STXBP5: variants seen among roughly 807,000 people sequenced by gnomAD.
The protein encoded by STXBP5 is syntaxin binding protein 5.
STXBP5 carries 50 observed loss-of-function variants against 152.4 expected under a neutral mutation model. That is an observed-to-expected ratio of 0.33 (90% confidence interval 0.26 to 0.42). The LOEUF (loss-of-function observed/expected upper bound fraction) is 0.42, where lower values mean the gene tolerates loss of function less well. STXBP5 is among the 10% of genes least tolerant of loss of function. The probability of loss-of-function intolerance (pLI) is 1.00; values close to 1 mark genes in which losing one functional copy is unlikely to be tolerated. For synonymous variants in STXBP5, 492 were observed against 494.7 expected (o/e 0.99, Z 0.07); for missense variants, 1,167 against 1,388.6 (o/e 0.84, Z 2.54).
chr6:147,207,332 C>A (rs1364588892), intron 2 of STXBP5, among the ~76,000 whole-genome samples: 1 of 152,160 alleles, frequency 6.6e-6, no homozygotes, highest in African/African-American at 2.4e-5. Flanking sequence ...AACTGTGTTA[C>A]TAAGTGAAGT....
intron 23 of STXBP5, 45 bp from the exon 24 acceptor site, chr6:147,363,290 G>A (rs1562269728): frequency 6.6e-7 from 1 of 1,514,484 alleles, no homozygotes; most frequent in Non-Finnish European, 8.8e-7. Context: ...TGTTTACTCT[G>A]TTGATTAAAA....
intron 9 of STXBP5, among the ~76,000 whole-genome samples, chr6:147,300,212 A>G (rs1161945136): frequency 6.6e-6 from 1 of 152,102 alleles, no homozygotes; most frequent in Non-Finnish European, 1.5e-5. Flanking sequence ...AATATTGTTA[A>G]AATGTCCACA....
At chr6:147,246,615 TTCTAA>T (rs576237233) in intron 4 of STXBP5, among the ~76,000 whole-genome samples, 19 of 152,310 alleles carry the variant, frequency 1.2e-4, no homozygotes, top group African/African-American at 4.1e-4. Flanking sequence ...TTTTTCTTTA[TTCTAA>T]TAGTCTGATT....
chr6:147,308,765 A>G (rs1197069750), intron 9 of STXBP5, among the ~76,000 whole-genome samples: 1 of 152,182 alleles, frequency 6.6e-6, no homozygotes, highest in Non-Finnish European at 1.5e-5. Flanking sequence ...TACCCATCTA[A>G]TTAAATTTTA....
chr6:147,361,467 A>G (rs1007687159), intron 23 of STXBP5, among the ~76,000 whole-genome samples: 3 of 152,166 alleles, frequency 2.0e-5, no homozygotes. Context: ...TAAGATGCCT[A>G]TTTAAAAATA....
At chr6:147,352,376 C>T (rs535615825) in intron 21 of STXBP5, among the ~76,000 whole-genome samples, 6 of 152,320 alleles carry the variant, frequency 3.9e-5, no homozygotes, top group African/African-American at 1.2e-4. Context: ...TGGGTCACTC[C>T]TGTAATCCCA....
chr6:147,228,083 C>A (rs537293517), intron 2 of STXBP5, among the ~76,000 whole-genome samples: 1 of 152,080 alleles, frequency 6.6e-6, no homozygotes, highest in South Asian at 2.1e-4. Context: ...TCCTCCTGGG[C>A]TTTTTCATCT....
intron 8 of STXBP5, among the ~76,000 whole-genome samples, chr6:147,287,188 T>C (rs1781011979): frequency 6.8e-6 from 1 of 146,622 alleles, no homozygotes; most frequent in Non-Finnish European, 1.5e-5. Flanking sequence ...AATAACTTAA[T>C]TGTACATTTT....
chr6:147,275,549 CTTTTT>C (rs71031021), intron 7 of STXBP5, among the ~76,000 whole-genome samples: 1 of 64,478 alleles, frequency 1.6e-5, no homozygotes, highest in Admixed American at 2.1e-4. Context: ...AGTAAATATT[CTTTTT>C]TTTTTTTTTT....
At chr6:147,240,856 A>G (rs925412138) in intron 4 of STXBP5, among the ~76,000 whole-genome samples, 1 of 152,198 alleles carries the variant, frequency 6.6e-6, no homozygotes, top group African/African-American at 2.4e-5. Flanking sequence ...CATAGAGACT[A>G]GAGAGTTGGG....
chr6:147,342,164 A>G (rs774290783), intron 21 of STXBP5, among the ~76,000 whole-genome samples: 2 of 152,234 alleles, frequency 1.3e-5, no homozygotes, highest in South Asian at 4.1e-4. Flanking sequence ...TATCTACACA[A>G]TAATCTGGAA....
chr6:147,236,155 A>G (rs900208509), intron 3 of STXBP5, among the ~76,000 whole-genome samples: 33 of 152,312 alleles, frequency 2.2e-4, no homozygotes, highest in Middle Eastern at 3.4e-3. Context: ...GAAAGGCATC[A>G]TGGGTGTAAA....
At chr6:147,255,565 G>A (rs1779317821) in intron 4 of STXBP5, among the ~76,000 whole-genome samples, 1 of 152,062 alleles carries the variant, frequency 6.6e-6, no homozygotes, top group Admixed American at 6.5e-5. Flanking sequence ...TGCAGTCATG[G>A]CTCACTGCTC....
intron 9 of STXBP5, among the ~76,000 whole-genome samples, chr6:147,306,889 A>G (rs993961331): frequency 2.6e-5 from 4 of 152,170 alleles, no homozygotes; most frequent in Non-Finnish European, 5.9e-5. Flanking sequence ...TGAGCCTTGT[A>G]TTGATCTTCA....
At chr6:147,313,244 T>C (rs1199857563) in intron 11 of STXBP5, among the ~76,000 whole-genome samples, 1 of 152,156 alleles carries the variant, frequency 6.6e-6, no homozygotes, top group African/African-American at 2.4e-5. Flanking sequence ...CAGTTTCTGG[T>C]TTTCCAGACT....
At chr6:147,344,355 T>C (rs1784222680) in intron 21 of STXBP5, among the ~76,000 whole-genome samples, 1 of 152,200 alleles carries the variant, frequency 6.6e-6, no homozygotes, top group Non-Finnish European at 1.5e-5. Context: ...TTAGTCACAT[T>C]ACTGAAATAA....
intron 7 of STXBP5, among the ~76,000 whole-genome samples, chr6:147,272,362 C>T (rs1780214557): frequency 1.3e-5 from 2 of 152,130 alleles, no homozygotes; most frequent in African/African-American, 2.4e-5. Context: ...TCTTAACACA[C>T]GTTAATATTC....
chr6:147,295,728 A>G (rs945312411), intron 9 of STXBP5, among the ~76,000 whole-genome samples: 1 of 152,216 alleles, frequency 6.6e-6, no homozygotes, highest in Non-Finnish European at 1.5e-5. Context: ...CTTCTCTGAT[A>G]GAATTCTACA....
At chr6:147,208,476 G>T (rs180952252) in intron 2 of STXBP5, among the ~76,000 whole-genome samples, 1 of 152,046 alleles carries the variant, frequency 6.6e-6, no homozygotes, top group South Asian at 2.1e-4. Flanking sequence ...TTTGGTTAAC[G>T]TGCAGATTTA....
Sources: allele counts gnomAD v4.1 joint callset (sites outside exome capture counted in the v4.1 genomes callset), GRCh38; gene constraint gnomAD v4.1.1; transcripts MANE v1.5; gene names NCBI Gene and HGNC (gene_info 2026-07-23, HGNC 2026-07-21).